Variants in PIK3CD observed in about 807,000 individuals in gnomAD.
The protein encoded by PIK3CD is phosphatidylinositol-4,5-bisphosphate 3-kinase catalytic subunit delta, also known as phosphatidylinositol 4,5-bisphosphate 3-kinase catalytic subunit delta isoform.
In PIK3CD, 20 loss-of-function variants were observed where a neutral mutation model predicts 122.9. That is an observed-to-expected ratio of 0.16 (90% confidence interval 0.11 to 0.24). The LOEUF (loss-of-function observed/expected upper bound fraction) is 0.24. PIK3CD is among the 10% of genes least tolerant of loss of function. PIK3CD has a pLI of 1.00. For synonymous variants in PIK3CD, 596 were observed against 593.4 expected (o/e 1.00, Z -0.06); for missense variants, 787 against 1,406.3 (o/e 0.56, Z 7.04).
Position 9,710,188 on chromosome 1 carries a change from G to T in PIK3CD, c.-32-236G>T. On this transcript the variant is annotated intron_variant, in intron 2 of 23. Coordinates refer to ENST00000377346, the MANE Select transcript of PIK3CD (RefSeq NM_005026.5). The surrounding 1 kb of genome is among the most constrained non-coding windows in gnomAD (Gnocchi z 4.7). ...GTGCGTGCTCCTGTGGGGAGGACAT[G>T]CAGTGTCTGCCTGGGAGAAGAGGCA... 2 of 501,630 alleles carry T rather than the reference G, an allele frequency of 4.0e-6. No individual in the cohort carries two copies. The highest frequency in any genetic ancestry group is 7.3e-6 in the Non-Finnish European group (2 of 273,604). 31.1% of individuals were successfully genotyped at this position (501,630 alleles called of 1,614,324 possible). A position where few individuals can be genotyped will look rare whatever the true frequency, so the allele number is the denominator to read the frequency against.
chr1:9,725,158 T>C (rs1217652109), intron 23 of PIK3CD, among the ~76,000 whole-genome samples: 1 of 152,154 alleles, frequency 6.6e-6, no homozygotes, highest in Non-Finnish European at 1.5e-5. Context: ...CAGTGGCAGA[T>C]GTGTAGTGAC....
At chr1:9,654,487 A>G (rs1474635847) in intron 1 of PIK3CD, 200 of 1,168,726 alleles carry the variant, frequency 1.7e-4, no homozygotes, top group Middle Eastern at 2.5e-4. Flanking sequence ...GTTGTGCGAA[A>G]GCCAGCCCGC....
In PIK3CD at chr1:9,721,155, A is replaced by G. The variant is rs924608773; in HGVS notation, c.1718A>G (p.Glu573Gly). The change falls in exon 14 of 24, where the codon GAG becomes GGG. Residue 573 changes from glutamate (E) to glycine (G), a missense_variant. Physicochemically the swap from Glu to Gly is moderately conservative, Grantham distance 98. Around this residue, in one of 6 missense-constraint regions of PIK3CD, gnomAD observed 592 missense variants for 920.6 expected, o/e 0.64. Coordinates refer to ENST00000377346, the MANE Select transcript of PIK3CD (RefSeq NM_005026.5). ...CTCTACCTGCTGTGCTCCTGGCCGG[A>G]GCTGCCCGTCCTGAGCGCCCTGGAG... ...QMLYLLCSWP[E>G]LPVLSALELL... 6.2e-7 allele frequency: 1 copy of G among 1,612,414 alleles called. No individual in the cohort carries two copies.
Position 9,718,528 on chromosome 1 carries a change from C to T in PIK3CD, c.1021-166C>T, listed in dbSNP as rs753328937. On this transcript the variant is annotated intron_variant, in intron 8 of 23. Coordinates refer to ENST00000377346, the MANE Select transcript of PIK3CD (RefSeq NM_005026.5). The surrounding 1 kb of genome is among the most constrained non-coding windows in gnomAD (Gnocchi z 7.2). ...GTGGTACCCTCCCTCACCCCAGGGC[C>T]GCTCATGCCCCTCAGGCCTTCCCTG... Among the ~76,000 whole-genome samples, 25 of 152,058 alleles carry T rather than the reference C, an allele frequency of 1.6e-4. No individual in the cohort carries two copies. The highest frequency in any genetic ancestry group is 3.4e-4 in the Non-Finnish European group (23 of 68,000).
chr1:9,639,161 C>T, the PIK3CD span, among the ~76,000 whole-genome samples: 1 of 152,150 alleles, frequency 6.6e-6, no homozygotes, highest in Non-Finnish European at 1.5e-5. Flanking sequence ...TTCTCCCTCT[C>T]CTGCATGTAC....
chr1:9,683,209 C>T (rs1220216352), intron 1 of PIK3CD, among the ~76,000 whole-genome samples: 2 of 151,030 alleles, frequency 1.3e-5, no homozygotes, highest in South Asian at 2.1e-4. Context: ...GAGGCAGAGG[C>T]GGGCGGATCA....
At position 9,691,556 on chromosome 1, in the gene PIK3CD, GGACTATTCCA is replaced by G; in HGVS notation, c.-45_-36del. ...GGAGGGGGCTTTGCTGGTCTTTCTT[GGACTATTCCA>G]GAGAGGTAGGTTGGGGGAACGGGCC... On this transcript the variant is annotated 5_prime_UTR_variant, in exon 2 of 24. It removes the in-frame stop codon of an upstream open reading frame in the 5' UTR. Transcript: ENST00000377346. The G allele has an allele frequency of 2.5e-6, 1 of 398,576 alleles. No homozygotes were observed. The highest frequency in any genetic ancestry group is 4.4e-6 in the Non-Finnish European group (1 of 226,122). 24.7% of individuals were successfully genotyped at this position (398,576 alleles called of 1,614,324 possible). A position where few individuals can be genotyped will look rare whatever the true frequency, so the allele number is the denominator to read the frequency against.
chr1:9,694,504 A>G (rs1646327305), intron 2 of PIK3CD, among the ~76,000 whole-genome samples: 1 of 152,230 alleles, frequency 6.6e-6, no homozygotes, highest in Non-Finnish European at 1.5e-5. Flanking sequence ...ACTGCACTTC[A>G]GCGTGAGCGA....
In PIK3CD at chr1:9,720,511, C is replaced by T. The variant is rs1425239155; in HGVS notation, c.1471-100C>T. ...GGATGCGCCTCCATGCAGAGGACAG[C>T]GCCCCCTCAAGGATGATTGGGGTGG... On this transcript the variant is annotated intron_variant, in intron 11 of 23. Transcript: ENST00000377346. The surrounding 1 kb of genome is among the most constrained non-coding windows in gnomAD (Gnocchi z 9.0). 4 of 1,535,344 alleles carry T rather than the reference C, an allele frequency of 2.6e-6. No individual in the cohort carries two copies. The highest frequency in any genetic ancestry group is 2.5e-5 in the East Asian group (1 of 40,640).
rs981718815 is a variant in PIK3CD, at chr1:9,728,707, T to C, written c.*1661T>C. Reference sequence around the variant, plus strand: ...CGTTATTTATTTAAGTGCGCCTGTGTGCGCGGGTGTGGGAGCACACTTTGC... The same window carrying C: ...CGTTATTTATTTAAGTGCGCCTGTGCGCGCGGGTGTGGGAGCACACTTTGC... On this transcript the variant is annotated 3_prime_UTR_variant, in exon 24 of 24. Coordinates refer to ENST00000377346, the MANE Select transcript of PIK3CD (RefSeq NM_005026.5). The C allele has an allele frequency of 2.6e-5, 4 of 152,280 alleles. No individual in the cohort carries two copies. Among genetic ancestry groups the C allele is most frequent in the South Asian group, 2.1e-4 (1 of 4,836 alleles). 9.4% of individuals were successfully genotyped at this position (152,280 alleles called of 1,614,324 possible).
At chr1:9,634,573 A>G in the PIK3CD span, among the ~76,000 whole-genome samples, 2 of 152,202 alleles carry the variant, frequency 1.3e-5, no homozygotes, top group Non-Finnish European at 2.9e-5. Flanking sequence ...TGCTGGGATT[A>G]CAGGCATGAG....
chr1:9,679,154 G>A (rs1034495041), intron 1 of PIK3CD, among the ~76,000 whole-genome samples: 1 of 141,424 alleles, frequency 7.1e-6, no homozygotes, highest in Admixed American at 7.8e-5. Context: ...TGCAACCTCC[G>A]CCTCCCAGGT....
chr1:9,649,002 T>C (rs1644632391), upstream of PIK3CD, among the ~76,000 whole-genome samples: 1 of 152,086 alleles, frequency 6.6e-6, no homozygotes, highest in Admixed American at 6.6e-5. Context: ...CTTGGGAGGC[T>C]GAGGCATGAG....
Position 9,724,529 on chromosome 1 carries a change from C to T in PIK3CD, c.2864+108C>T. On this transcript the variant is annotated intron_variant, in intron 22 of 23. Coordinates refer to ENST00000377346, the MANE Select transcript of PIK3CD (RefSeq NM_005026.5). This position sits in a 1 kb window ranked among gnomAD's most constrained non-coding sequence, Gnocchi z 7.3. ...ATGGGGCTCAGGTCTCAACCCCACA[C>T]CTGGCCCCTCACCCCAACTGTTGAT... 1.6e-6 allele frequency: 2 copies of T among 1,262,020 alleles called. No homozygotes were observed. Among genetic ancestry groups the T allele is most frequent in the Non-Finnish European group, 2.3e-6 (2 of 876,970 alleles). The allele number at this position is 1,262,020 out of a possible 1,614,324, so 78.2% of individuals were successfully genotyped here. A position where few individuals can be genotyped will look rare whatever the true frequency, so the allele number is the denominator to read the frequency against.
intron 23 of PIK3CD, among the ~76,000 whole-genome samples, chr1:9,726,010 G>C (rs1158588920): frequency 6.6e-6 from 1 of 152,078 alleles, no homozygotes; most frequent in Non-Finnish European, 1.5e-5. Context: ...TCAGGAGTTT[G>C]AGACCAGCCT....
rs1384711489 is a variant in PIK3CD at position 9,720,935 on chromosome 1, C to A, written c.1689+26C>A. 2 of 1,557,028 alleles carry A rather than the reference C, an allele frequency of 1.3e-6. No individual in the cohort carries two copies. Among genetic ancestry groups the A allele is most frequent in the Admixed American group, 1.9e-5 (1 of 51,932 alleles). On this transcript the variant is annotated intron_variant, in intron 13 of 23. Coordinates refer to ENST00000377346, the MANE Select transcript of PIK3CD (RefSeq NM_005026.5). The surrounding 1 kb of genome is among the most constrained non-coding windows in gnomAD (Gnocchi z 9.0). ...GTGGGTGGGGAGGCGCACCTGGGGG[C>A]GGAGCTGGGGGCAGACCACAGCCTC...
intron 2 of PIK3CD, among the ~76,000 whole-genome samples, chr1:9,707,456 C>T (rs1646882116): frequency 1.3e-5 from 2 of 150,610 alleles, no homozygotes; most frequent in African/African-American, 2.4e-5. Context: ...CAGATTATGT[C>T]GTCACCCAGG....
In PIK3CD at chr1:9,720,187, T is replaced by G; in HGVS notation, c.1415T>G (p.Leu472Arg). ...NPNTDSAAAL[L>R]ICLPEVAPHP... is the part of the protein sequence containing the mutation. ...AACACGGATAGCGCCGCTGCCCTGC[T>G]CATCTGCCTGCCCGAGGTGGCCCCG... is the stretch of plus-strand genomic sequence containing the variant. The change falls in exon 11 of 24, where the codon CTC becomes CGC. Residue 472 changes from leucine to arginine, a missense_variant. Transcript: ENST00000377346. This position sits in a 1 kb window ranked among gnomAD's most constrained non-coding sequence, Gnocchi z 9.0. 6.2e-7 allele frequency: 1 copy of G among 1,612,144 alleles called. No individual in the cohort carries two copies.
chr1:9,721,341 G>A (rs777000396), intron 14 of PIK3CD, 93 bp downstream of exon 14: 109 of 1,608,832 alleles, frequency 6.8e-5, no homozygotes, highest in Middle Eastern at 4.9e-4. Flanking sequence ...GAACCTTCCC[G>A]TGGGCTTGCT....
Sources: gnomAD v4.1 joint callset for allele counts (sites outside exome capture counted in the v4.1 genomes callset) on GRCh38, gnomAD v4.1.1 for gene constraint, gnomAD v4.1.1 regional missense constraint, Gnocchi (gnomAD v3.1) non-coding constraint, MANE v1.5 for transcripts, NCBI Gene and HGNC (gene_info 2026-07-23, HGNC 2026-07-21) for gene names.